Variants in EMSY observed in about 807,000 individuals in gnomAD.
EMSY encodes the protein EMSY transcriptional repressor, BRCA2 interacting, also known as BRCA2-interacting transcriptional repressor EMSY.
Under a neutral mutation model 134.6 loss-of-function variants are expected in EMSY, and 26 were observed. The ratio of observed to expected loss-of-function variants is 0.19; its 90% CI spans 0.14 to 0.27. The LOEUF (loss-of-function observed/expected upper bound fraction) is 0.27, where lower values mean the gene tolerates loss of function less well. Among genes scored for constraint, EMSY ranks in the 10% least tolerant of loss-of-function variants. The pLI is 1.00. For synonymous variants in EMSY, 579 were observed against 577.8 expected (o/e 1.00, Z -0.03); for missense variants, 1,305 against 1,611.4 (o/e 0.81, Z 3.26).
At chr11:76,549,884 A>C in intron 20 of EMSY, 68 bp from the exon 22 acceptor site, 1 of 1,052,434 alleles carries the variant, frequency 9.5e-7, no homozygotes, top group Admixed American at 2.7e-5. Flanking sequence ...TTTTTTCTTG[A>C]TATTGTTGGG....
intron 4 of EMSY, among the ~76,000 whole-genome samples, chr11:76,456,618 CAA>C (rs2134975999): frequency 6.6e-6 from 1 of 152,098 alleles, no homozygotes; most frequent in East Asian, 1.9e-4. Context: ...TTCTTTGTTT[CAA>C]AAGTAGCATC....
rs539427055 is a variant in EMSY at position 76,502,843 on chromosome 11, TTAAGA to T, written c.1363+6376_1363+6380del. ...TCACAGATCAGAAGATTTAACATTG[TTAAGA>T]TGACAGTGCTCCTTAAATTAATCTA... On this transcript the variant is annotated intron_variant, in intron 9 of 20. Coordinates refer to ENST00000334736, the Ensembl canonical transcript of EMSY. Among the ~76,000 whole-genome samples, 326 of 152,268 alleles carry T rather than the reference TTAAGA, an allele frequency of 2.1e-3. 1 individual carries two copies. The highest frequency in any genetic ancestry group is 3.6e-3 in the Non-Finnish European group (247 of 68,014).
At chr11:76,451,346 A>G (rs1283310761) in intron 2 of EMSY, among the ~76,000 whole-genome samples, 2 of 152,342 alleles carry the variant, frequency 1.3e-5, no homozygotes, top group South Asian at 2.1e-4. Context: ...CACATAACTA[A>G]TAAGTGGCAG....
At chr11:76,535,938 T>C (rs1951208979) in exon 15 of EMSY, 6 of 1,581,670 alleles carry the variant, frequency 3.8e-6, no homozygotes, top group Non-Finnish European at 4.3e-6. Context: ...GGCGTCAGGA[T>C]TGGTCAGAAC....
intron 2 of EMSY, among the ~76,000 whole-genome samples, chr11:76,449,889 A>G (rs1197992508): frequency 6.6e-6 from 1 of 152,196 alleles, no homozygotes; most frequent in Non-Finnish European, 1.5e-5. Flanking sequence ...ACCTTGTAGC[A>G]GTAATGTTCA....
At chr11:76,543,244 A>G (rs1279174898) in intron 18 of EMSY, among the ~76,000 whole-genome samples, 1 of 152,258 alleles carries the variant, frequency 6.6e-6, no homozygotes, top group African/African-American at 2.4e-5. Flanking sequence ...CTGTAGGCAA[A>G]CTACTGGAAA....
chr11:76,522,334 T>C (rs978487389), intron 11 of EMSY, among the ~76,000 whole-genome samples: 1 of 151,514 alleles, frequency 6.6e-6, no homozygotes, highest in African/African-American at 2.4e-5. Context: ...TGACTTGTTT[T>C]GTATATCGTT....
At chr11:76,454,141 T>G (rs1254999558) in intron 4 of EMSY, among the ~76,000 whole-genome samples, 2 of 152,214 alleles carry the variant, frequency 1.3e-5, no homozygotes, top group African/African-American at 2.4e-5. Flanking sequence ...TTTATTTTTA[T>G]GTTTTAATGT....
At chr11:76,453,320 A>G in exon 4 of EMSY, 2 of 1,612,684 alleles carry the variant, frequency 1.2e-6, no homozygotes, top group Non-Finnish European at 1.7e-6. Flanking sequence ...ATAGCATCTC[A>G]ACAGAACGCC....
intron 9 of EMSY, among the ~76,000 whole-genome samples, chr11:76,503,511 G>GA (rs1949959861): frequency 6.6e-6 from 1 of 152,030 alleles, no homozygotes; most frequent in Non-Finnish European, 1.5e-5. Flanking sequence ...TTCAATGGGG[G>GA]AAAAATAGTC....
intron 14 of EMSY, among the ~76,000 whole-genome samples, chr11:76,528,736 A>T (rs1950933948): frequency 6.6e-6 from 1 of 152,100 alleles, no homozygotes; most frequent in African/African-American, 2.4e-5. Flanking sequence ...ATTAAACTGG[A>T]TAGAGTTATG....
chr11:76,488,383 C>T (rs991624527), intron 8 of EMSY, among the ~76,000 whole-genome samples: 6 of 152,182 alleles, frequency 3.9e-5, no homozygotes, highest in Non-Finnish European at 8.8e-5. Context: ...AGGAGGATTG[C>T]TTGAGCCCAG....
At chr11:76,446,349 G>GTGTATA (rs1555036529) in intron 1 of EMSY, among the ~76,000 whole-genome samples, 4 of 130,378 alleles carry the variant, frequency 3.1e-5, no homozygotes, top group South Asian at 2.4e-4. Context: ...ATATATATGT[G>GTGTATA]TATATATATA....
chr11:76,519,902 A>G (rs1950583925), intron 11 of EMSY, among the ~76,000 whole-genome samples: 1 of 152,172 alleles, frequency 6.6e-6, no homozygotes, highest in Non-Finnish European at 1.5e-5. Flanking sequence ...TCCTTCTGAT[A>G]TGCTACGAGC....
chr11:76,448,176 T>G (rs1478031015), intron 2 of EMSY, among the ~76,000 whole-genome samples: 3 of 152,206 alleles, frequency 2.0e-5, no homozygotes, highest in Non-Finnish European at 2.9e-5. Context: ...GAATTTTTCT[T>G]TGTAAATCAG....
At chr11:76,468,841 T>C (rs1237890695) in intron 7 of EMSY, among the ~76,000 whole-genome samples, 2 of 152,126 alleles carry the variant, frequency 1.3e-5, no homozygotes, top group Admixed American at 1.3e-4. Context: ...TATTTTTCAT[T>C]TTGTCCTTAG....
chr11:76,548,052 T>C (rs908793321), intron 20 of EMSY, among the ~76,000 whole-genome samples: 2 of 152,196 alleles, frequency 1.3e-5, no homozygotes, highest in South Asian at 2.1e-4. Flanking sequence ...TCTTTACCTA[T>C]GAAGTGGAAG....
At chr11:76,518,699 ATATAT>A (rs1950538361) in intron 11 of EMSY, among the ~76,000 whole-genome samples, 1 of 124,684 alleles carries the variant, frequency 8.0e-6, no homozygotes, top group African/African-American at 3.1e-5. Context: ...ATATATATAT[ATATAT>A]TTTTTTTTTA....
chr11:76,453,213 G>T, intron 3 of EMSY, 101 bp from the exon 4 acceptor site: 1 of 972,336 alleles, frequency 1.0e-6, no homozygotes, highest in East Asian at 2.6e-5. Context: ...AAGCAATCTT[G>T]TCCCCCTTCT....
Sources: allele counts gnomAD v4.1 joint callset (sites outside exome capture counted in the v4.1 genomes callset), GRCh38; gene constraint gnomAD v4.1.1; transcripts MANE v1.5; gene names NCBI Gene and HGNC (gene_info 2026-07-23, HGNC 2026-07-21).